SYT9: variants seen among roughly 807,000 people sequenced by gnomAD.
SYT9 encodes the protein synaptotagmin 9.
Under a neutral mutation model 48.4 loss-of-function variants are expected in SYT9, and 22 were observed. That is an observed-to-expected ratio of 0.45 (90% confidence interval 0.32 to 0.65). SYT9 has a LOEUF of 0.65. Among genes scored for constraint, SYT9 ranks in the 30% least tolerant of loss-of-function variants. The probability of loss-of-function intolerance (pLI) is 0.03; values close to 1 mark genes in which losing one functional copy is unlikely to be tolerated. For synonymous variants in SYT9, 265 were observed against 245.0 expected, an observed-to-expected ratio of 1.08 and a Z score of -0.76; for missense variants, 577 against 622.0, an observed-to-expected ratio of 0.93 and a Z score of 0.77.
chr11:7,422,183 TGGAGAGGC>T (rs1404609064), intron 6 of SYT9, among the ~76,000 whole-genome samples: 2 of 152,052 alleles, frequency 1.3e-5, no homozygotes, highest in Non-Finnish European at 2.9e-5. Context: ...AGGGCGGCTG[TGGAGAGGC>T]AGAGAGGCAG....
chr11:7,407,057 A>C (rs1847028969), intron 3 of SYT9, among the ~76,000 whole-genome samples: 1 of 152,010 alleles, frequency 6.6e-6, no homozygotes, highest in Admixed American at 6.6e-5. Flanking sequence ...TGGGTTTTTA[A>C]AAATTTTTTA....
intron 6 of SYT9, among the ~76,000 whole-genome samples, chr11:7,428,894 C>T (rs1847515127): frequency 1.3e-5 from 2 of 152,118 alleles, no homozygotes; most frequent in African/African-American, 4.8e-5. Flanking sequence ...GGGGTGTAAA[C>T]TGTTGATGCT....
chr11:7,388,991 A>C lies in SYT9; in HGVS notation c.1045-27051A>C, dbSNP rs536454638. Among the ~76,000 whole-genome samples, 82 of 152,330 alleles carry C rather than the reference A, an allele frequency of 5.4e-4. No homozygotes were observed. The South Asian group carries it at 0.016, about 29-fold the overall frequency. On this transcript the variant is annotated intron_variant, in intron 3 of 6. Coordinates refer to ENST00000318881, the MANE Select transcript of SYT9 (RefSeq NM_175733.4). ...CCAGTCCAGGAAAATATGTGTGAAA[A>C]GGAAATTGAAGTGAGGACATTGTGT... is the stretch of plus-strand genomic sequence containing the variant.
chr11:7,297,001 C>T lies in SYT9; in HGVS notation c.146-6038C>T, dbSNP rs529052823. On this transcript the variant is annotated intron_variant, in intron 1 of 6. Coordinates refer to ENST00000318881, the MANE Select transcript of SYT9 (RefSeq NM_175733.4). ...CCCAGTATTATATTTATTAGCCCTCCCCCTGACACACACACAATCATCTGA... is the reference window on the plus strand; with the variant it reads ...CCCAGTATTATATTTATTAGCCCTCTCCCTGACACACACACAATCATCTGA... Among the ~76,000 whole-genome samples the T allele has an allele frequency of 3.3e-5, 5 of 152,050 alleles. No homozygotes were observed. The South Asian group carries it at 1.0e-3, about 32-fold the overall frequency.
intron 3 of SYT9, among the ~76,000 whole-genome samples, chr11:7,342,257 A>G (rs761786691): frequency 6.6e-6 from 1 of 152,314 alleles, no homozygotes. Context: ...TTTTAGCATT[A>G]ACTCAAAAGT....
intron 3 of SYT9, among the ~76,000 whole-genome samples, chr11:7,333,020 A>C (rs1387859369): frequency 1.3e-5 from 2 of 152,232 alleles, no homozygotes; most frequent in African/African-American, 2.4e-5. Flanking sequence ...CTTGCTTGGA[A>C]AATGAGTTTT....
chr11:7,428,524 G>A (rs1004040701), intron 6 of SYT9, among the ~76,000 whole-genome samples: 5 of 152,206 alleles, frequency 3.3e-5, no homozygotes, highest in Admixed American at 2.6e-4. Context: ...GTTCCCTCCT[G>A]GGGAATGGGG....
chr11:7,461,105 T>A (rs1848227626), intron 6 of SYT9: 1 of 152,110 alleles, frequency 6.6e-6, no homozygotes, highest in Admixed American at 6.5e-5. Context: ...TTAATGGAAT[T>A]TTATTTTATA....
At chr11:7,295,606 T>C (rs1182307584) in intron 1 of SYT9, among the ~76,000 whole-genome samples, 1 of 152,242 alleles carries the variant, frequency 6.6e-6, no homozygotes, top group Non-Finnish European at 1.5e-5. Flanking sequence ...GTGTAAGCTT[T>C]TTCAAGCATG....
At chr11:7,283,147 G>GTATATA (rs35272670) in intron 1 of SYT9, among the ~76,000 whole-genome samples, 4 of 139,908 alleles carry the variant, frequency 2.9e-5, no homozygotes, top group East Asian at 2.1e-4. Flanking sequence ...GTATGTGTGT[G>GTATATA]TATATATATA....
At chr11:7,302,225 C>T (rs1848934675) in intron 1 of SYT9, among the ~76,000 whole-genome samples, 1 of 152,164 alleles carries the variant, frequency 6.6e-6, no homozygotes, top group Non-Finnish European at 1.5e-5. Context: ...CCTTGGATCC[C>T]TTGCCACTTA....
At position 7,420,499 on chromosome 11, in the gene SYT9, T is replaced by C; in HGVS notation, c.1338-7T>C. 6.2e-7 allele frequency: 1 copy of C among 1,613,762 alleles called. No individual in the cohort carries two copies. Among genetic ancestry groups the C allele is most frequent in the East Asian group, 2.2e-5 (1 of 44,878 alleles). On this transcript the variant is annotated splice_region_variant and splice_polypyrimidine_tract_variant and intron_variant, in intron 5 of 6. Transcript: ENST00000318881. ...TAAGAAAAAACTATTGTGGGCCATTTTCACAGTGTAGGTCACAATGAGATC... is the reference window on the plus strand; with the variant it reads ...TAAGAAAAAACTATTGTGGGCCATTCTCACAGTGTAGGTCACAATGAGATC...
intron 3 of SYT9, among the ~76,000 whole-genome samples, chr11:7,413,330 C>T (rs546116636): frequency 6.6e-6 from 1 of 152,306 alleles, no homozygotes; most frequent in South Asian, 2.1e-4. Context: ...AGACATAGTC[C>T]TTTAGGGGCT....
intron 3 of SYT9, among the ~76,000 whole-genome samples, chr11:7,346,867 A>G (rs1337487172): frequency 2.0e-5 from 3 of 152,194 alleles, no homozygotes; most frequent in Admixed American, 6.5e-5. Context: ...TTTCCTGTAT[A>G]ATCTCTGTCC....
At chr11:7,463,053 C>G (rs147290478) in intron 6 of SYT9, among the ~76,000 whole-genome samples, 2 of 152,196 alleles carry the variant, frequency 1.3e-5, no homozygotes, top group Admixed American at 6.5e-5. Context: ...CACTTACAAT[C>G]TTCTCTGTTC....
chr11:7,320,378 G>A (rs972013571), intron 3 of SYT9, among the ~76,000 whole-genome samples: 1 of 152,114 alleles, frequency 6.6e-6, no homozygotes, highest in African/African-American at 2.4e-5. Context: ...CTGAGCCCTG[G>A]ACTAGTGTAG....
Position 7,321,089 on chromosome 11 carries a change from C to A in SYT9, c.1044+7148C>A, listed in dbSNP as rs551014240. Among the ~76,000 whole-genome samples, 17 of 152,248 alleles carry A rather than the reference C, an allele frequency of 1.1e-4. No individual in the cohort carries two copies. In the East Asian group the frequency reaches 3.3e-3, roughly 29 times the overall value. ...GGAGACTGTCTCTGGGAGCTATGAT[C>A]ACCTCAGTTAGACTCTGATTTGGAG... On this transcript the variant is annotated intron_variant, in intron 3 of 6. Coordinates refer to ENST00000318881, the MANE Select transcript of SYT9 (RefSeq NM_175733.4).
At chr11:7,449,919 CCA>C (rs1848014773) in intron 6 of SYT9, among the ~76,000 whole-genome samples, 1 of 152,122 alleles carries the variant, frequency 6.6e-6, no homozygotes. Flanking sequence ...TGCCCAACTA[CCA>C]CCCCCTCCCC....
intron 2 of SYT9, among the ~76,000 whole-genome samples, chr11:7,311,351 T>A (rs146949530): frequency 6.6e-6 from 1 of 152,156 alleles, no homozygotes; most frequent in African/African-American, 2.4e-5. Flanking sequence ...TATGGTAGAT[T>A]TAGTCCTACA....
Sources: allele counts gnomAD v4.1 joint callset (sites outside exome capture counted in the v4.1 genomes callset), GRCh38; gene constraint gnomAD v4.1.1; transcripts MANE v1.5; gene names NCBI Gene and HGNC (gene_info 2026-07-23, HGNC 2026-07-21).